Variants in AGBL1 observed in about 807,000 individuals in gnomAD.
AGBL1 encodes cytosolic carboxypeptidase 4.
In AGBL1, 130 loss-of-function variants were observed where a neutral mutation model predicts 118.9. That is an observed-to-expected ratio of 1.09 (90% CI 0.95 to 1.26). The LOEUF (loss-of-function observed/expected upper bound fraction) is 1.26, where lower values mean the gene tolerates loss of function less well. Among genes scored for constraint, AGBL1 ranks in the 50% most tolerant of loss-of-function variants. The pLI, the probability that AGBL1 is intolerant of heterozygous loss-of-function variation, is 0.00. For missense variants in AGBL1, 1,584 were observed against 1,298.1 expected (o/e 1.22, Z -3.38); for synonymous variants, 555 against 478.9 (o/e 1.16, Z -2.08).
At chr15:86,745,226 T>A (rs1028034517) in intron 22 of AGBL1, among the ~76,000 whole-genome samples, 6 of 152,058 alleles carry the variant, frequency 3.9e-5, no homozygotes, top group Admixed American at 1.3e-4. Context: ...GCTGAGGTCT[T>A]AGTATGTGAT....
At chr15:86,786,715 C>T (rs949812370) in intron 22 of AGBL1, among the ~76,000 whole-genome samples, 2 of 152,142 alleles carry the variant, frequency 1.3e-5, no homozygotes, top group Admixed American at 6.5e-5. Context: ...ATCCTTCTTT[C>T]TTATTTCAGC....
At chr15:86,683,117 A>C (rs2085990749) in intron 22 of AGBL1, among the ~76,000 whole-genome samples, 1 of 152,206 alleles carries the variant, frequency 6.6e-6, no homozygotes, top group Non-Finnish European at 1.5e-5. Context: ...TTACGAGTTC[A>C]GCAACACAAA....
intron 17 of AGBL1, among the ~76,000 whole-genome samples, chr15:86,382,950 C>T (rs2081132258): frequency 6.6e-6 from 1 of 152,138 alleles, no homozygotes; most frequent in Non-Finnish European, 1.5e-5. Context: ...CAATCCACCT[C>T]TCAAAGCAAG....
intron 22 of AGBL1, among the ~76,000 whole-genome samples, chr15:86,774,964 C>G (rs2078233805): frequency 6.6e-6 from 1 of 152,112 alleles, no homozygotes; most frequent in Non-Finnish European, 1.5e-5. Flanking sequence ...GGAAAGGAAG[C>G]AAACTCATGT....
intron 18 of AGBL1, among the ~76,000 whole-genome samples, chr15:86,418,768 AC>A (rs1567247554): frequency 6.6e-6 from 1 of 152,112 alleles, no homozygotes; most frequent in Non-Finnish European, 1.5e-5. Context: ...ATAATTGAGA[AC>A]TTGCAGCACT....
At chr15:86,207,852 G>C (rs866858605) in intron 5 of AGBL1, among the ~76,000 whole-genome samples, 6 of 152,094 alleles carry the variant, frequency 3.9e-5, no homozygotes, top group South Asian at 4.1e-4. Context: ...ACACTATGTT[G>C]AATAGGAGTG....
chr15:86,739,409 C>T (rs1397034579), intron 22 of AGBL1, among the ~76,000 whole-genome samples: 3 of 138,728 alleles, frequency 2.2e-5, no homozygotes, highest in African/African-American at 8.1e-5. Context: ...TGCCATTGCA[C>T]TCCAGCCTGG....
At chr15:87,022,681 A>C (rs1457052407) in intron 24 of AGBL1, among the ~76,000 whole-genome samples, 1 of 152,086 alleles carries the variant, frequency 6.6e-6, no homozygotes, top group Non-Finnish European at 1.5e-5. Context: ...AGACGGAAGA[A>C]AGAATCTTAA....
chr15:86,878,967 T>A lies in AGBL1; in HGVS notation c.3159-28120T>A, dbSNP rs180918277. ...CTGAAGAGAGAGCTGCTGTTCCAGTTCACAGCACACCTGGTTGTGACAGGA... is the reference window on the plus strand; with the variant it reads ...CTGAAGAGAGAGCTGCTGTTCCAGTACACAGCACACCTGGTTGTGACAGGA... On this transcript the variant is annotated intron_variant, in intron 22 of 22. Transcript: ENST00000614907. Among the ~76,000 whole-genome samples the A allele has an allele frequency of 6.1e-4, 93 of 152,274 alleles. 1 individual carries two copies. The Middle Eastern group carries it at 0.037, about 61-fold the overall frequency.
chr15:86,372,154 G>A (rs1461807415), intron 17 of AGBL1, among the ~76,000 whole-genome samples: 1 of 152,240 alleles, frequency 6.6e-6, no homozygotes. Flanking sequence ...TGGGCATGAA[G>A]TGCATATGAG....
chr15:87,013,533 GTTT>G (rs59336861), intron 24 of AGBL1, among the ~76,000 whole-genome samples: 66 of 150,000 alleles, frequency 4.4e-4, no homozygotes, highest in South Asian at 2.5e-3. Context: ...TTTTTGAATA[GTTT>G]TTTTTTTTTT....
chr15:86,079,895 C>A lies in AGBL1; in HGVS notation c.-78C>A, dbSNP rs1262021940. ...CAGTCGTCTCCTGCGAGGCGGGCAG[C>A]GAGGTCAGCTTGGCAGCCGCTGCCT... On this transcript the variant is annotated 5_prime_UTR_variant, in exon 1 of 23. Transcript: ENST00000614907. The A allele has an allele frequency of 9.1e-7, 1 of 1,098,704 alleles. No homozygotes were observed. The highest frequency in any genetic ancestry group is 1.2e-6 in the Non-Finnish European group (1 of 864,860). The allele number at this position is 1,098,704 out of a possible 1,614,324, so 68.1% of individuals were successfully genotyped here.
At chr15:86,560,913 T>G (rs571272319) in intron 21 of AGBL1, among the ~76,000 whole-genome samples, 3 of 152,384 alleles carry the variant, frequency 2.0e-5, no homozygotes, top group South Asian at 4.1e-4. Context: ...TTTTTTCATG[T>G]GTCTGTTGGC....
At chr15:86,521,247 C>A (rs1267146693) in intron 18 of AGBL1, among the ~76,000 whole-genome samples, 1 of 152,160 alleles carries the variant, frequency 6.6e-6, no homozygotes, top group Non-Finnish European at 1.5e-5. Context: ...GAAGACTGAA[C>A]CTTCTTTTTA....
At chr15:86,451,241 A>G (rs1476258299) in intron 18 of AGBL1, among the ~76,000 whole-genome samples, 1 of 152,098 alleles carries the variant, frequency 6.6e-6, no homozygotes, top group Non-Finnish European at 1.5e-5. Flanking sequence ...TGCCTTTGCT[A>G]TTTTGTTCTA....
intron 6 of AGBL1, among the ~76,000 whole-genome samples, chr15:86,234,283 T>C (rs775689963): frequency 1.8e-4 from 27 of 152,014 alleles, no homozygotes; most frequent in Non-Finnish European, 3.5e-4. Context: ...CCGAGAGCGG[T>C]GGCTCATGCC....
intron 22 of AGBL1, among the ~76,000 whole-genome samples, chr15:86,788,243 C>T (rs1214814269): frequency 6.6e-6 from 1 of 152,110 alleles, no homozygotes; most frequent in Non-Finnish European, 1.5e-5. Context: ...CCTATTACCA[C>T]AGAACAAAAT....
chr15:86,448,832 A>G (rs914196770), intron 18 of AGBL1, among the ~76,000 whole-genome samples: 2 of 152,212 alleles, frequency 1.3e-5, no homozygotes, highest in East Asian at 1.9e-4. Flanking sequence ...TTAGTGTGCC[A>G]TTAAAATTTA....
At chr15:86,932,123 G>A (rs1400583473) in intron 23 of AGBL1, among the ~76,000 whole-genome samples, 1 of 152,162 alleles carries the variant, frequency 6.6e-6, no homozygotes, top group Non-Finnish European at 1.5e-5. Flanking sequence ...AGGTCATTCA[G>A]GTAGGAAAGA....
Sources: allele counts gnomAD v4.1 joint callset (sites outside exome capture counted in the v4.1 genomes callset), GRCh38; gene constraint gnomAD v4.1.1; transcripts MANE v1.5; gene names NCBI Gene and HGNC (gene_info 2026-07-23, HGNC 2026-07-21).